Variants in STK32B observed in about 807,000 individuals in gnomAD.
STK32B encodes the protein serine/threonine kinase 32B.
STK32B carries 43 observed loss-of-function variants against 52.6 expected under a neutral mutation model. The ratio of observed to expected loss-of-function variants is 0.82; its 90% CI spans 0.64 to 1.05. STK32B has a LOEUF of 1.05. STK32B is among the 50% of genes least tolerant of loss of function. The pLI, the probability that STK32B is intolerant of heterozygous loss-of-function variation, is 0.00. For missense variants in STK32B, 621 were observed against 534.6 expected, an observed-to-expected ratio of 1.16 and a Z score of -1.59; for synonymous variants, 238 against 204.3, an observed-to-expected ratio of 1.17 and a Z score of -1.41.
At chr4:5,490,098 G>A (rs1271932999) in intron 11 of STK32B, among the ~76,000 whole-genome samples, 1 of 145,196 alleles carries the variant, frequency 6.9e-6, no homozygotes, top group Non-Finnish European at 1.5e-5. Context: ...TCTTTTTGTT[G>A]TTTTAAGTAG....
Position 5,287,730 on chromosome 4 carries a change from G to T in STK32B, c.261-43490G>T, listed in dbSNP as rs73087495. On this transcript the variant is annotated intron_variant, in intron 3 of 11. Coordinates refer to ENST00000282908, the MANE Select transcript of STK32B (RefSeq NM_018401.3). ...ATGGTAGTATATTAAACATTGTTGTGCATATTGCTTTGTGGAGGAGGTAAA... is the reference window on the plus strand; with the variant it reads ...ATGGTAGTATATTAAACATTGTTGTTCATATTGCTTTGTGGAGGAGGTAAA... Among the ~76,000 whole-genome samples, 7 of 151,784 alleles carry T rather than the reference G, an allele frequency of 4.6e-5. No individual in the cohort carries two copies. In the East Asian group the frequency reaches 1.4e-3, roughly 29 times the overall value.
At chr4:5,195,931 A>G (rs922416316) in intron 3 of STK32B, among the ~76,000 whole-genome samples, 2 of 152,258 alleles carry the variant, frequency 1.3e-5, no homozygotes, top group African/African-American at 2.4e-5. Flanking sequence ...GTTGTCTTAC[A>G]TAGATGGCAA....
At chr4:5,434,446 G>GTGTGTA (rs1713860393) in intron 6 of STK32B, among the ~76,000 whole-genome samples, 1 of 105,280 alleles carries the variant, frequency 9.5e-6, no homozygotes, top group African/African-American at 3.4e-5. Flanking sequence ...GTGTGTGTGT[G>GTGTGTA]TGTGTGTGTA....
chr4:5,323,414 C>T (rs568950692), intron 3 of STK32B, among the ~76,000 whole-genome samples: 6 of 152,162 alleles, frequency 3.9e-5, no homozygotes, highest in Non-Finnish European at 8.8e-5. Flanking sequence ...ACGGCTGCTT[C>T]TTCTGGACTC....
intron 2 of STK32B, among the ~76,000 whole-genome samples, chr4:5,163,841 G>C (rs1285164890): frequency 6.6e-6 from 1 of 152,134 alleles, no homozygotes; most frequent in African/African-American, 2.4e-5. Flanking sequence ...TATTTACAGG[G>C]ACCCATGGAG....
chr4:5,193,329 G>A (rs1451722212), intron 3 of STK32B, among the ~76,000 whole-genome samples: 1 of 152,148 alleles, frequency 6.6e-6, no homozygotes, highest in Non-Finnish European at 1.5e-5. Context: ...CTGCAAATGT[G>A]AATGAAAGGG....
At chr4:5,089,510 A>G (rs1577060768) in intron 1 of STK32B, among the ~76,000 whole-genome samples, 1 of 152,176 alleles carries the variant, frequency 6.6e-6, no homozygotes, top group Non-Finnish European at 1.5e-5. Context: ...TGCAAAGGAC[A>G]TGATCTCATT....
intron 3 of STK32B, among the ~76,000 whole-genome samples, chr4:5,256,799 C>A (rs1726333714): frequency 6.6e-6 from 1 of 152,128 alleles, no homozygotes; most frequent in Non-Finnish European, 1.5e-5. Context: ...TCCATGGAAC[C>A]CTGAACTTCT....
the STK32B span, among the ~76,000 whole-genome samples, chr4:5,033,541 G>C: frequency 6.6e-6 from 1 of 152,260 alleles, no homozygotes; most frequent in Non-Finnish European, 1.5e-5. Context: ...ACGGCAAGCA[G>C]TGTTAAGTGT....
intron 11 of STK32B, among the ~76,000 whole-genome samples, chr4:5,477,677 G>A (rs1421486796): frequency 6.6e-6 from 1 of 152,202 alleles, no homozygotes; most frequent in Non-Finnish European, 1.5e-5. Context: ...CAGTGATCAT[G>A]ACAGAGGGAA....
intron 3 of STK32B, among the ~76,000 whole-genome samples, chr4:5,208,321 C>T (rs188773458): frequency 1.1e-3 from 171 of 152,194 alleles, no homozygotes; most frequent in Middle Eastern, 3.4e-3. Context: ...GAAGGAGCGC[C>T]GGATATTGCT....
At chr4:5,238,901 A>G (rs1199425188) in intron 3 of STK32B, among the ~76,000 whole-genome samples, 1 of 152,258 alleles carries the variant, frequency 6.6e-6, no homozygotes, top group Non-Finnish European at 1.5e-5. Flanking sequence ...TTTAAAAGTA[A>G]TACATTGAGT....
chr4:5,331,494 G>C (rs1230699866), intron 4 of STK32B, 101 bp downstream of exon 4: 3 of 1,303,162 alleles, frequency 2.3e-6, no homozygotes, highest in African/African-American at 3.0e-5. Context: ...CCTTGACATG[G>C]TTTAAAAGTG....
intron 5 of STK32B, among the ~76,000 whole-genome samples, chr4:5,410,295 C>T (rs1262088740): frequency 6.6e-6 from 1 of 151,852 alleles, no homozygotes; most frequent in Non-Finnish European, 1.5e-5. Flanking sequence ...ACTTTAACCT[C>T]TGGCTTAGGC....
intron 4 of STK32B, among the ~76,000 whole-genome samples, chr4:5,372,482 C>T (rs562100256): frequency 5.3e-5 from 8 of 152,108 alleles, no homozygotes; most frequent in African/African-American, 1.4e-4. Flanking sequence ...CATTCACATT[C>T]GAGACACGGC....
At chr4:5,141,388 G>C (rs1157022018) in intron 2 of STK32B, among the ~76,000 whole-genome samples, 2 of 152,252 alleles carry the variant, frequency 1.3e-5, no homozygotes, top group Non-Finnish European at 2.9e-5. Context: ...AGTGTGCTCT[G>C]TGTCTTTGAG....
chr4:5,230,715 G>A (rs1010843603), intron 3 of STK32B, among the ~76,000 whole-genome samples: 5 of 152,222 alleles, frequency 3.3e-5, no homozygotes, highest in African/African-American at 1.2e-4. Flanking sequence ...AGCAGCGCCT[G>A]TGTGCATGTA....
intron 2 of STK32B, among the ~76,000 whole-genome samples, chr4:5,157,524 A>T (rs946176893): frequency 6.6e-5 from 10 of 152,068 alleles, no homozygotes; most frequent in African/African-American, 2.4e-4. Flanking sequence ...TTGAGCTAAG[A>T]CCCAACTGCT....
chr4:5,373,769 C>T (rs190097641), intron 4 of STK32B, among the ~76,000 whole-genome samples: 8 of 152,324 alleles, frequency 5.3e-5, no homozygotes, highest in Admixed American at 3.3e-4. Context: ...CTGCCATTCT[C>T]ACTCCACACA....
Sources: gnomAD v4.1 joint callset for allele counts (sites outside exome capture counted in the v4.1 genomes callset) on GRCh38, gnomAD v4.1.1 for gene constraint, MANE v1.5 for transcripts, NCBI Gene and HGNC (gene_info 2026-07-23, HGNC 2026-07-21) for gene names.